OR10K2: variants seen among roughly 807,000 people sequenced by gnomAD.
The protein encoded by OR10K2 is olfactory receptor 10K2.
For synonymous variants in OR10K2, 169 were observed against 146.4 expected (o/e 1.15, Z -1.11); for missense variants, 401 against 367.1 (o/e 1.09, Z -0.76).
rs35350080 is a variant in OR10K2, at chr1:158,419,611, ATTTTTT to A, written c.*311_*316del. The A allele has an allele frequency of 3.2e-5, 4 of 124,490 alleles. No homozygotes were observed. The highest frequency in any genetic ancestry group is 8.1e-5 in the Admixed American group (1 of 12,390). The allele number at this position is 124,490 out of a possible 1,614,324, so 7.7% of individuals were successfully genotyped here. A position where few individuals can be genotyped will look rare whatever the true frequency, so the allele number is the denominator to read the frequency against. ...ACGGTTTGGAAAGAGCAGAATCAAG[ATTTTTT>A]TTTTTTTTTTTTTTTGAGACAGAGT... On this transcript the variant is annotated 3_prime_UTR_variant, in exon 2 of 2. Transcript: ENST00000641042.
At position 158,420,372 on chromosome 1, in the gene OR10K2, G is replaced by A; in HGVS notation, c.495C>T (p.His165=). Residue 165 remains histidine, a synonymous_variant, in exon 2 of 2, where the codon CAC becomes CAT. Transcript: ENST00000641042. ...GTTGATTGGAGGAATAAAAAGGCAGGTGAAATACCAAGGATGTGATGATCT... is the reference window on the plus strand; with the variant it reads ...GTTGATTGGAGGAATAAAAAGGCAGATGAAATACCAAGGATGTGATGATCT... ...VAQIITSLVF[H]LPFYSSNQLH... 1 of 1,613,872 alleles carries A rather than the reference G, an allele frequency of 6.2e-7. No homozygotes were observed. Among genetic ancestry groups the A allele is most frequent in the Non-Finnish European group, 8.5e-7 (1 of 1,179,904 alleles).
chr1:158,421,076 TA>T, intron 1 of OR10K2, 149 bp from the exon 2 acceptor site: 1 of 598,804 alleles, frequency 1.7e-6, no homozygotes, highest in Non-Finnish European at 2.9e-6. Flanking sequence ...TGAGTCTCCA[TA>T]GTAGTTCTAA....
chr1:158,423,632 T>G (rs1655202795), intron 1 of OR10K2, among the ~76,000 whole-genome samples: 1 of 152,048 alleles, frequency 6.6e-6, no homozygotes, highest in South Asian at 2.1e-4. Flanking sequence ...TCTATAGGTA[T>G]TGGTATCAGA....
Position 158,420,178 on chromosome 1 carries a change from G to T in OR10K2, c.689C>A (p.Ser230Tyr). The T allele has an allele frequency of 6.2e-7, 1 of 1,613,752 alleles. No individual in the cohort carries two copies. Among genetic ancestry groups the T allele is most frequent in the East Asian group, 2.2e-5 (1 of 44,834 alleles). The change falls in exon 2 of 2, where the codon TCC becomes TAC. Residue 230 changes from serine (S) to tyrosine (Y), a missense_variant. Physicochemically the swap from Ser to Tyr is moderately radical, Grantham distance 144 (BLOSUM62 -2). Transcript: ENST00000641042. ...HILSAILQFP[S>Y]TLGRCKAFST... ...AAAAGCTTTGCACCTACCCAGTGTG[G>T]AAGGAAACTGAAGTATGGCAGAGAG... is the stretch of plus-strand genomic sequence containing the variant.
Position 158,420,251 on chromosome 1 carries a change from C to G in OR10K2, c.616G>C (p.Val206Leu), listed in dbSNP as rs1183873530. Reference sequence around the variant, plus strand: ...ATCAACAATAAGGGGATAGCCAGGACCAATGTACAGAGCATGAAGATGACA... The same window carrying G: ...ATCAACAATAAGGGGATAGCCAGGAGCAATGTACAGAGCATGAAGATGACA... Reference protein sequence around the residue: ...QIVIFMLCTLVLAIPLLLILV... With the variant: ...QIVIFMLCTLLLAIPLLLILV... The change falls in exon 2 of 2, where the codon GTC becomes CTC. Residue 206 changes from valine to leucine, a missense_variant. Physicochemically the swap from Val to Leu is conservative, Grantham distance 32. Transcript: ENST00000641042. 6.2e-7 allele frequency: 1 copy of G among 1,613,496 alleles called. No homozygotes were observed. Among genetic ancestry groups the G allele is most frequent in the East Asian group, 2.2e-5 (1 of 44,824 alleles).
Position 158,419,422 on chromosome 1 carries a change from A to G in OR10K2, c.*506T>C, listed in dbSNP as rs1306758650. 6.5e-6 allele frequency: 1 copy of G among 154,862 alleles called. No homozygotes were observed. The highest frequency in any genetic ancestry group is 1.5e-5 in the Non-Finnish European group (1 of 68,708). The allele number at this position is 154,862 out of a possible 1,614,324, so 9.6% of individuals were successfully genotyped here. On this transcript the variant is annotated 3_prime_UTR_variant, in exon 2 of 2. Coordinates refer to ENST00000641042, the MANE Select transcript of OR10K2 (RefSeq NM_001004476.2). ...TCTGTTATTTTTTAATCAATTGAAA[A>G]AAAACCTTCAATAGGCAATAATTCA...
At position 158,419,882 on chromosome 1, in the gene OR10K2, G is replaced by A. The variant is rs761385855; in HGVS notation, c.*46C>T. 3.3e-6 allele frequency: 5 copies of A among 1,531,318 alleles called. No individual in the cohort carries two copies. In the African/African-American group the frequency reaches 4.1e-5, roughly 13 times the overall value. The allele number at this position is 1,531,318 out of a possible 1,614,324, so 94.9% of individuals were successfully genotyped here. ...CTGTCTCAGCCTTCCAAAATGCTGG[G>A]ATTACAGTCGTGAGAAACTGCACCT... On this transcript the variant is annotated 3_prime_UTR_variant, in exon 2 of 2. Coordinates refer to ENST00000641042, the MANE Select transcript of OR10K2 (RefSeq NM_001004476.2).
Position 158,419,299 on chromosome 1 carries a change from C to A in OR10K2, c.*629G>T. On this transcript the variant is annotated 3_prime_UTR_variant, in exon 2 of 2. Transcript: ENST00000641042. ...AGAACAGAGAGTTAGGGTTGTGCCA[C>A]ATTTTGCAGGGTTAGTTTTCAGCCT... 1 of 154,778 alleles carries A rather than the reference C, an allele frequency of 6.5e-6. No individual in the cohort carries two copies. The highest frequency in any genetic ancestry group is 1.9e-4 in the East Asian group (1 of 5,154). 9.6% of individuals were successfully genotyped at this position (154,778 alleles called of 1,614,324 possible). A position where few individuals can be genotyped will look rare whatever the true frequency, so the allele number is the denominator to read the frequency against.
At position 158,420,690 on chromosome 1, in the gene OR10K2, C is replaced by T. The variant is rs749668096; in HGVS notation, c.177G>A (p.Met59Ile). ...IVLDRALHIP[M>I]YFFLAILSCS... ...AAGAGAGGATGGCAAGGAAGAAGTA[C>T]ATGGGGATATGAAGGGCCCTGTCCA... Residue 59 changes from methionine to isoleucine, a missense_variant, in exon 2 of 2, where the codon ATG becomes ATA. Transcript: ENST00000641042. 1.2e-6 allele frequency: 2 copies of T among 1,613,884 alleles called. No homozygotes were observed. The highest frequency in any genetic ancestry group is 2.7e-5 in the African/African-American group (2 of 74,986).
chr1:158,421,389 T>C (rs915492334), intron 1 of OR10K2, among the ~76,000 whole-genome samples: 9 of 152,160 alleles, frequency 5.9e-5, no homozygotes, highest in Non-Finnish European at 1.0e-4. Context: ...TCAAATTCTC[T>C]TCAACACTGT....
chr1:158,420,828 G>A lies in OR10K2; in HGVS notation c.39C>T (p.Ile13=). Residue 13 remains isoleucine (I), a synonymous_variant, in exon 2 of 2, where the codon ATC becomes ATT. Coordinates refer to ENST00000641042, the MANE Select transcript of OR10K2 (RefSeq NM_001004476.2). The stretch of plus-strand genomic sequence containing the variant: ...TGGCCAGGGATGAGAAGCCGAGGAA[G>A]ATGACCTCTCTCACCACAGTCTCAT... ...RVNETVVREV[I]FLGFSSLARL... The A allele has an allele frequency of 1.9e-6, 3 of 1,613,592 alleles. No homozygotes were observed. The highest frequency in any genetic ancestry group is 1.7e-6 in the Non-Finnish European group (2 of 1,179,806).
intron 1 of OR10K2, among the ~76,000 whole-genome samples, chr1:158,421,636 C>T (rs2106084): frequency 0.37 from 56,032 of 151,648 alleles, 11,387 homozygotes; most frequent in Non-Finnish European, 0.46. Context: ...CCCTTAAATC[C>T]TTCTGAAGTC....
chr1:158,424,535 A>G (rs559094573), intron 1 of OR10K2, among the ~76,000 whole-genome samples: 1 of 152,204 alleles, frequency 6.6e-6, no homozygotes, highest in Admixed American at 6.6e-5. Flanking sequence ...GCAAGTTGAC[A>G]TTTATCACAT....
chr1:158,420,103 G>A lies in OR10K2; in HGVS notation c.764C>T (p.Ala255Val), dbSNP rs1258627369. 1 of 1,613,596 alleles carries A rather than the reference G, an allele frequency of 6.2e-7. No individual in the cohort carries two copies. Among genetic ancestry groups the A allele is most frequent in the Non-Finnish European group, 8.5e-7 (1 of 1,179,862 alleles). The change falls in exon 2 of 2, where the codon GCC becomes GTC. Residue 255 changes from alanine (A) to valine (V), a missense_variant. Transcript: ENST00000641042. ...CTGAGGCCTTAAGTAGATAAAGGAGGCACAGCCATAGTGGACAGTGACAAT... is the reference window on the plus strand; with the variant it reads ...CTGAGGCCTTAAGTAGATAAAGGAGACACAGCCATAGTGGACAGTGACAAT... ...LIIVTVHYGCASFIYLRPQSN... is the reference protein window; with the variant it reads ...LIIVTVHYGCVSFIYLRPQSN...
rs977396820 is a variant in OR10K2 at position 158,418,836 on chromosome 1, C to G, written c.*1092G>C. The G allele has an allele frequency of 1.3e-5, 2 of 152,110 alleles. No individual in the cohort carries two copies. The highest frequency in any genetic ancestry group is 2.9e-5 in the Non-Finnish European group (2 of 68,014). The allele number at this position is 152,110 out of a possible 1,614,324, so 9.4% of individuals were successfully genotyped here. ...AAACATCAAATTCAAGTTCTGGTCT[C>G]AAATGTACATGCAAACTCTTGAGTT... is the stretch of plus-strand genomic sequence containing the variant. On this transcript the variant is annotated 3_prime_UTR_variant, in exon 2 of 2. Transcript: ENST00000641042.
rs1169843650 is a variant in OR10K2 at position 158,426,222 on chromosome 1, C to T, written c.-351G>A. The T allele has an allele frequency of 6.6e-6, 1 of 152,000 alleles. No individual in the cohort carries two copies. The highest frequency in any genetic ancestry group is 2.4e-5 in the African/African-American group (1 of 41,396). The allele number at this position is 152,000 out of a possible 1,614,324, so 9.4% of individuals were successfully genotyped here. A position where few individuals can be genotyped will look rare whatever the true frequency, so the allele number is the denominator to read the frequency against. ...GTGATGATGGTCTATGGTCTTAGACCCAGACCAAAGTCAAATGTAACCAGT... is the reference window on the plus strand; with the variant it reads ...GTGATGATGGTCTATGGTCTTAGACTCAGACCAAAGTCAAATGTAACCAGT... On this transcript the variant is annotated 5_prime_UTR_variant, in exon 1 of 2. Transcript: ENST00000641042.
intron 1 of OR10K2, among the ~76,000 whole-genome samples, chr1:158,422,361 A>G (rs1337720898): frequency 1.3e-5 from 2 of 152,120 alleles, no homozygotes; most frequent in African/African-American, 4.8e-5. Context: ...CTTTCTAGGC[A>G]CAAGAATTGC....
At chr1:158,422,614 A>G (rs746661759) in intron 1 of OR10K2, among the ~76,000 whole-genome samples, 2 of 152,196 alleles carry the variant, frequency 1.3e-5, no homozygotes, top group Admixed American at 6.5e-5. Context: ...ATCCCATTAA[A>G]AGTATATTAT....
chr1:158,420,186 C>A lies in OR10K2; in HGVS notation c.681G>T (p.Gln227His). The change falls in exon 2 of 2, where the codon CAG becomes CAT. Residue 227 changes from glutamine to histidine, a missense_variant. Physicochemically the swap from Gln to His is conservative, Grantham distance 24. Coordinates refer to ENST00000641042, the MANE Select transcript of OR10K2 (RefSeq NM_001004476.2). ...TGCACCTACCCAGTGTGGAAGGAAA[C>A]TGAAGTATGGCAGAGAGGATGTGAA... Reference protein sequence around the residue: ...SYVHILSAILQFPSTLGRCKA... With the variant: ...SYVHILSAILHFPSTLGRCKA... 6.2e-7 allele frequency: 1 copy of A among 1,613,692 alleles called. No homozygotes were observed. The highest frequency in any genetic ancestry group is 1.1e-5 in the South Asian group (1 of 91,060).
Sources: allele counts gnomAD v4.1 joint callset (sites outside exome capture counted in the v4.1 genomes callset), GRCh38; gene constraint gnomAD v4.1.1; transcripts MANE v1.5; gene names NCBI Gene and HGNC (gene_info 2026-07-23, HGNC 2026-07-21).